Variants in CHAT observed in about 807,000 individuals in gnomAD.
CHAT encodes acetyl CoA:choline O-acetyltransferase.
In CHAT, 61 loss-of-function variants were observed where a neutral mutation model predicts 76.9. The observed-to-expected ratio is 0.79, with a 90% CI of 0.65 to 0.98. The LOEUF (loss-of-function observed/expected upper bound fraction) is 0.98, where lower values mean the gene tolerates loss of function less well. Among genes scored for constraint, CHAT ranks in the 50% least tolerant of loss-of-function variants. The pLI, the probability that CHAT is intolerant of heterozygous loss-of-function variation, is 0.00. For missense variants in CHAT, 946 were observed against 986.9 expected, an observed-to-expected ratio of 0.96 and a Z score of 0.56; for synonymous variants, 407 against 397.4, an observed-to-expected ratio of 1.02 and a Z score of -0.29.
chr10:49,632,261 G>C (rs1404476789), intron 7 of CHAT, among the ~76,000 whole-genome samples: 1 of 152,176 alleles, frequency 6.6e-6, no homozygotes, highest in Non-Finnish European at 1.5e-5. Context: ...CGCTCCAGAA[G>C]GAGTAAAGGA....
chr10:49,619,197 G>T (rs768632055), intron 2 of CHAT, among the ~76,000 whole-genome samples: 7 of 152,136 alleles, frequency 4.6e-5, no homozygotes, highest in Admixed American at 6.5e-5. Flanking sequence ...GCCCCCTTCA[G>T]GTCCAGAGAT....
chr10:49,649,457 C>A (rs984476301), intron 9 of CHAT, 51 bp from the exon 10 acceptor site: 1 of 1,613,012 alleles, frequency 6.2e-7, no homozygotes, highest in Non-Finnish European at 8.5e-7. Flanking sequence ...AGAGATGCCT[C>A]CCACAGCTGT....
chr10:49,667,720 C>T lies in CHAT; in HGVS notation c.*2674C>T, dbSNP rs1590632900. Among the ~76,000 whole-genome samples, 1 of 152,172 alleles carries T rather than the reference C, an allele frequency of 6.6e-6. No homozygotes were observed. The highest frequency in any genetic ancestry group is 1.5e-5 in the Non-Finnish European group (1 of 68,034). The stretch of plus-strand genomic sequence containing the variant: ...TGTATGTGGCCACCTTACAATACTG[C>T]TAAGTTGCTAAAATATATAAAGTTA... On this transcript the variant is annotated 3_prime_UTR_variant, in exon 15 of 15. Coordinates refer to ENST00000337653, the MANE Select transcript of CHAT (RefSeq NM_020549.5).
intron 13 of CHAT, among the ~76,000 whole-genome samples, chr10:49,661,859 G>A (rs1477756049): frequency 1.3e-5 from 2 of 152,044 alleles, no homozygotes; most frequent in Non-Finnish European, 2.9e-5. Context: ...CTCACCCTCC[G>A]TGAACCCCTC....
chr10:49,628,353 G>T (rs1282404992), intron 7 of CHAT, among the ~76,000 whole-genome samples: 1 of 152,260 alleles, frequency 6.6e-6, no homozygotes, highest in East Asian at 1.9e-4. Context: ...ATCCAAAGCT[G>T]GTCCTATTCC....
intron 8 of CHAT, among the ~76,000 whole-genome samples, chr10:49,647,602 G>C (rs1014444502): frequency 1.3e-5 from 2 of 152,176 alleles, no homozygotes; most frequent in Non-Finnish European, 1.5e-5. Context: ...GCGCTCTCCA[G>C]CTGCTGGGCC....
intron 5 of CHAT, among the ~76,000 whole-genome samples, chr10:49,623,484 G>T (rs1838802536): frequency 1.3e-5 from 2 of 152,068 alleles, no homozygotes; most frequent in African/African-American, 4.8e-5. Flanking sequence ...TAGTTATGCT[G>T]GGAAGAGGAA....
At chr10:49,624,806 G>A (rs192070813) in intron 5 of CHAT, among the ~76,000 whole-genome samples, 13 of 152,154 alleles carry the variant, frequency 8.5e-5, no homozygotes, top group Non-Finnish European at 8.8e-5. Context: ...TGGATGGGTC[G>A]ATGGAAGGAT....
At chr10:49,620,132 C>T (rs940436188) in intron 3 of CHAT, among the ~76,000 whole-genome samples, 33 of 151,548 alleles carry the variant, frequency 2.2e-4, no homozygotes, top group South Asian at 4.2e-4. Context: ...ATGGGAAATA[C>T]GGATAGAGAA....
intron 11 of CHAT, 32 bp downstream of exon 11, chr10:49,652,038 G>C (rs373921226): frequency 1.2e-6 from 2 of 1,613,922 alleles, no homozygotes; most frequent in African/African-American, 2.7e-5. Context: ...CTGTACCCTG[G>C]AGGGCTGACG....
chr10:49,627,635 T>A lies in CHAT; in HGVS notation c.961T>A (p.Phe321Ile). The A allele has an allele frequency of 6.2e-7, 1 of 1,614,154 alleles. No homozygotes were observed. The highest frequency in any genetic ancestry group is 8.5e-7 in the Non-Finnish European group (1 of 1,179,980). ...QFFVLDVVIN[F>I]RRLSEGDLFT... is the part of the protein sequence containing the mutation. ...CTTTGTCTTGGATGTTGTCATTAAT[T>A]TCCGCCGTCTCAGTGAGGGGGATCT... Residue 321 changes from phenylalanine (F) to isoleucine (I), a missense_variant, in exon 7 of 15, where the codon TTC (phenylalanine) becomes ATC (isoleucine). Coordinates refer to ENST00000337653, the MANE Select transcript of CHAT (RefSeq NM_020549.5).
chr10:49,630,705 G>C (rs1447021984), intron 7 of CHAT, among the ~76,000 whole-genome samples: 2 of 152,194 alleles, frequency 1.3e-5, no homozygotes, highest in South Asian at 2.1e-4. Flanking sequence ...GAAGAGATAG[G>C]AGATGAATGG....
intron 10 of CHAT, 118 bp from the exon 11 acceptor site, chr10:49,651,766 A>C: frequency 9.9e-7 from 1 of 1,013,988 alleles, no homozygotes; most frequent in Non-Finnish European, 1.5e-6. Flanking sequence ...GGCAGGGACT[A>C]CGTCCGCACC....
upstream of CHAT, chr10:49,610,612 C>T (rs1308895729): frequency 3.3e-6 from 3 of 919,878 alleles, no homozygotes; most frequent in Non-Finnish European, 4.6e-6. Context: ...TCCGCGGCCA[C>T]CTGAGGCACA....
intron 1 of CHAT, among the ~76,000 whole-genome samples, chr10:49,614,982 A>G (rs904230058): frequency 2.2e-5 from 3 of 134,740 alleles, no homozygotes; most frequent in Non-Finnish European, 4.7e-5. Context: ...TGGCAGGAGC[A>G]TGGGTGGGAG....
At chr10:49,630,927 A>T (rs1839097684) in intron 7 of CHAT, among the ~76,000 whole-genome samples, 1 of 152,228 alleles carries the variant, frequency 6.6e-6, no homozygotes, top group South Asian at 2.1e-4. Flanking sequence ...TGTGTGAAAT[A>T]GCCTCCTGGA....
chr10:49,610,513 G>A (rs1838260677), upstream of CHAT: 1 of 447,488 alleles, frequency 2.2e-6, no homozygotes, highest in African/African-American at 2.0e-5. Flanking sequence ...CCTGAGCCCA[G>A]CAGCCGCGGG....
chr10:49,654,581 A>G (rs1397045350), intron 11 of CHAT, among the ~76,000 whole-genome samples: 1 of 152,222 alleles, frequency 6.6e-6, no homozygotes, highest in Non-Finnish European at 1.5e-5. Context: ...AGGCACAGCC[A>G]TGGTGCCCAT....
At chr10:49,656,629 G>C (rs1840044843) in intron 13 of CHAT, among the ~76,000 whole-genome samples, 1 of 152,214 alleles carries the variant, frequency 6.6e-6, no homozygotes, top group Non-Finnish European at 1.5e-5. Flanking sequence ...CAAAGACTGA[G>C]AGCCTTAAGA....
Sources: allele counts gnomAD v4.1 joint callset (sites outside exome capture counted in the v4.1 genomes callset), GRCh38; gene constraint gnomAD v4.1.1; transcripts MANE v1.5; gene names NCBI Gene and HGNC (gene_info 2026-07-23, HGNC 2026-07-21).